The following PRKG1 variants were observed in gnomAD, a reference collection of about 807,000 sequenced individuals.
The protein encoded by PRKG1 is cGMP-dependent protein kinase 1.
Under a neutral mutation model 88.1 loss-of-function variants are expected in PRKG1, and 35 were observed. The observed-to-expected ratio is 0.40, with a 90% confidence interval of 0.30 to 0.53. The LOEUF is 0.53. Among genes scored for constraint, PRKG1 ranks in the 20% least tolerant of loss-of-function variants. The probability of loss-of-function intolerance (pLI) is 0.59; values close to 1 mark genes in which losing one functional copy is unlikely to be tolerated. For missense variants in PRKG1, 540 were observed against 839.8 expected, an observed-to-expected ratio of 0.64 and a Z score of 4.41; for synonymous variants, 303 against 292.5, an observed-to-expected ratio of 1.04 and a Z score of -0.37.
At chr10:51,058,986 A>C (rs1020606238) in intron 1 of PRKG1, among the ~76,000 whole-genome samples, 1 of 152,222 alleles carries the variant, frequency 6.6e-6, no homozygotes, top group Non-Finnish European at 1.5e-5. Context: ...GGAGCTCTCC[A>C]TTGTAATCTA....
At chr10:51,184,481 A>G (rs1025304537) in intron 2 of PRKG1, among the ~76,000 whole-genome samples, 2 of 152,174 alleles carry the variant, frequency 1.3e-5, no homozygotes, top group South Asian at 2.1e-4. Context: ...GCTAAAGGCT[A>G]TTTATCTTTA....
chr10:51,376,432 A>C (rs1189385400), intron 2 of PRKG1, among the ~76,000 whole-genome samples: 1 of 152,194 alleles, frequency 6.6e-6, no homozygotes, highest in Non-Finnish European at 1.5e-5. Context: ...TTGGTATATC[A>C]AAAATACTTG....
intron 9 of PRKG1, among the ~76,000 whole-genome samples, chr10:52,242,417 AT>A (rs1365424026): frequency 6.6e-6 from 1 of 152,226 alleles, no homozygotes; most frequent in East Asian, 1.9e-4. Context: ...AACTTCATGC[AT>A]TTTTGTTTGA....
At chr10:52,071,195 G>T (rs962925078) in intron 7 of PRKG1, among the ~76,000 whole-genome samples, 21 of 151,608 alleles carry the variant, frequency 1.4e-4, no homozygotes, top group Non-Finnish European at 1.6e-4. Context: ...TTGTTACATG[G>T]GTGTACTGTG....
rs1839356564 is a variant in PRKG1 at position 51,449,076 on chromosome 10, T to C, written c.479-18647T>C. ...TTTAAGCTACCTCACCTAATATAAA[T>C]AGCCATGATGCATTGGTTTCTATTT... is the stretch of plus-strand genomic sequence containing the variant. On this transcript the variant is annotated intron_variant, in intron 2 of 17. Transcript: ENST00000373980. Among the ~76,000 whole-genome samples, 3 of 151,936 alleles carry C rather than the reference T, an allele frequency of 2.0e-5. No individual in the cohort carries two copies. In the South Asian group the frequency reaches 6.2e-4, roughly 31 times the overall value.
At chr10:51,748,653 TG>T (rs1837640166) in intron 3 of PRKG1, among the ~76,000 whole-genome samples, 1 of 152,230 alleles carries the variant, frequency 6.6e-6, no homozygotes, top group African/African-American at 2.4e-5. Flanking sequence ...CTTAATTGGA[TG>T]TTTAAGCCAA....
intron 2 of PRKG1, among the ~76,000 whole-genome samples, chr10:51,408,199 G>A (rs901914179): frequency 5.9e-5 from 9 of 152,172 alleles, no homozygotes; most frequent in Non-Finnish European, 1.5e-5. Flanking sequence ...AAGGCCTTCT[G>A]GAGAACTTTG....
intron 3 of PRKG1, among the ~76,000 whole-genome samples, chr10:51,684,989 A>G (rs967390745): frequency 6.6e-6 from 1 of 152,194 alleles, no homozygotes; most frequent in South Asian, 2.1e-4. Context: ...CAAGTCTAGT[A>G]CTTGGTTCTT....
chr10:51,588,779 A>T (rs1057382588), intron 3 of PRKG1, among the ~76,000 whole-genome samples: 13 of 152,208 alleles, frequency 8.5e-5, no homozygotes, highest in Non-Finnish European at 1.6e-4. Flanking sequence ...TTGATGTGCC[A>T]TGTGAACCAC....
At chr10:51,235,950 T>G (rs1838976522) in intron 2 of PRKG1, among the ~76,000 whole-genome samples, 1 of 152,196 alleles carries the variant, frequency 6.6e-6, no homozygotes, top group African/African-American at 2.4e-5. Context: ...AAATTTTGAA[T>G]GTATCAGAAT....
At chr10:51,246,813 CT>C (rs1839304555) in intron 2 of PRKG1, among the ~76,000 whole-genome samples, 1 of 152,006 alleles carries the variant, frequency 6.6e-6, no homozygotes, top group African/African-American at 2.4e-5. Context: ...CTCTTGTTCA[CT>C]GCTATTCAGC....
At chr10:51,788,353 C>T (rs1418620165) in intron 3 of PRKG1, among the ~76,000 whole-genome samples, 1 of 152,022 alleles carries the variant, frequency 6.6e-6, no homozygotes, top group Non-Finnish European at 1.5e-5. Context: ...AGAAAAATCA[C>T]AAGAAGGAAA....
At chr10:52,075,879 G>A (rs1018291934) in intron 7 of PRKG1, among the ~76,000 whole-genome samples, 2 of 152,094 alleles carry the variant, frequency 1.3e-5, no homozygotes, top group African/African-American at 4.8e-5. Context: ...ATTCCATCAT[G>A]AGGGCCCCAC....
chr10:51,476,857 T>C (rs1380944674), intron 3 of PRKG1, among the ~76,000 whole-genome samples: 1 of 151,900 alleles, frequency 6.6e-6, no homozygotes, highest in Non-Finnish European at 1.5e-5. Flanking sequence ...GAATCCAGGG[T>C]TACTCTGAGT....
intron 9 of PRKG1, among the ~76,000 whole-genome samples, chr10:52,210,001 C>T (rs1391664615): frequency 6.6e-6 from 1 of 152,132 alleles, no homozygotes; most frequent in African/African-American, 2.4e-5. Context: ...AATGCGGTAC[C>T]TTAAGATTCC....
chr10:51,308,011 A>G (rs966762526), intron 2 of PRKG1, among the ~76,000 whole-genome samples: 1 of 152,194 alleles, frequency 6.6e-6, no homozygotes, highest in Non-Finnish European at 1.5e-5. Context: ...CTTAAATCAA[A>G]TAAAAGTAAT....
chr10:52,010,745 C>T (rs1844859752), intron 5 of PRKG1, among the ~76,000 whole-genome samples: 1 of 152,186 alleles, frequency 6.6e-6, no homozygotes, highest in African/African-American at 2.4e-5. Context: ...AATTCCTATT[C>T]TTTATGATGA....
At chr10:52,196,697 C>T (rs945300576) in intron 9 of PRKG1, among the ~76,000 whole-genome samples, 6 of 151,976 alleles carry the variant, frequency 3.9e-5, no homozygotes, top group Non-Finnish European at 7.4e-5. Flanking sequence ...AGAAGTAGAG[C>T]TGGTATTATT....
rs920465474 is a variant in PRKG1 at position 51,133,482 on chromosome 10, A to T, written c.312-19682A>T. Among the ~76,000 whole-genome samples, 10 of 152,208 alleles carry T rather than the reference A, an allele frequency of 6.6e-5. No homozygotes were observed. The East Asian group carries it at 1.9e-3, about 29-fold the overall frequency. On this transcript the variant is annotated intron_variant, in intron 1 of 17. Coordinates refer to ENST00000373980, the MANE Select transcript of PRKG1 (RefSeq NM_006258.4). Reference sequence around the variant, plus strand: ...TTTCATGCTCATTTTACAGATAAGAAGACTGAGGCTCAGATAAGCTATGGA... The same window carrying T: ...TTTCATGCTCATTTTACAGATAAGATGACTGAGGCTCAGATAAGCTATGGA...
Sources: allele counts gnomAD v4.1 joint callset (sites outside exome capture counted in the v4.1 genomes callset), GRCh38; gene constraint gnomAD v4.1.1; transcripts MANE v1.5; gene names NCBI Gene and HGNC (gene_info 2026-07-23, HGNC 2026-07-21).